TNFSF4: variants seen among roughly 807,000 people sequenced by gnomAD.
TNFSF4 encodes the protein TNF superfamily member 4, also known as tumor necrosis factor ligand superfamily member 4.
TNFSF4 carries 4 observed loss-of-function variants against 7.3 expected under a neutral mutation model. The observed-to-expected ratio is 0.55, with a 90% CI of 0.27 to 1.25. The LOEUF is 1.25. TNFSF4 is among the 50% of genes most tolerant of loss of function. TNFSF4 has a pLI of 0.12. For synonymous variants in TNFSF4, 76 were observed against 83.7 expected (o/e 0.91, Z 0.50); for missense variants, 181 against 208.8 (o/e 0.87, Z 0.82).
At chr1:173,248,216 G>T in the TNFSF4 span, among the ~76,000 whole-genome samples, 8 of 152,024 alleles carry the variant, frequency 5.3e-5, no homozygotes, top group Non-Finnish European at 1.0e-4. Context: ...AATTAGCTGG[G>T]CCTGGTGGCA....
At chr1:173,213,406 T>C in the TNFSF4 span, among the ~76,000 whole-genome samples, 1 of 152,194 alleles carries the variant, frequency 6.6e-6, no homozygotes, top group Non-Finnish European at 1.5e-5. Flanking sequence ...AATGGAACTG[T>C]ACCCATGATG....
the TNFSF4 span, chr1:173,362,372 T>A: frequency 2.2e-5 from 9 of 402,908 alleles, no homozygotes; most frequent in African/African-American, 1.7e-4. Flanking sequence ...ACTCATACTG[T>A]ACGCCTTCTT....
chr1:173,373,661 G>T, the TNFSF4 span, among the ~76,000 whole-genome samples: 2 of 152,130 alleles, frequency 1.3e-5, no homozygotes, highest in South Asian at 4.1e-4. Context: ...ATAATCCCTT[G>T]GTCCATCATA....
intron 1 of TNFSF4, 24 bp from the exon 2 acceptor site, chr1:173,188,593 T>C (rs374926869): frequency 1.9e-5 from 30 of 1,597,720 alleles, no homozygotes; most frequent in Middle Eastern, 3.3e-4. Context: ...AAAGACATAT[T>C]CTTAGGAAAA....
chr1:173,362,811 C>T, the TNFSF4 span: 1 of 425,602 alleles, frequency 2.3e-6, no homozygotes, highest in Non-Finnish European at 4.6e-6. Flanking sequence ...TGTGTTGCTT[C>T]ATTAGATGCA....
the TNFSF4 span, among the ~76,000 whole-genome samples, chr1:173,298,086 G>C: frequency 2.0e-5 from 3 of 151,810 alleles, no homozygotes; most frequent in Non-Finnish European, 2.9e-5. Context: ...GGACTGTCAC[G>C]GGGAAAGATT....
the TNFSF4 span, among the ~76,000 whole-genome samples, chr1:173,363,890 ACTGGTGCCACTTT>A: frequency 6.6e-6 from 1 of 152,162 alleles, no homozygotes. Context: ...CCTGCCACAC[ACTGGTGCCACTTT>A]CTTAGTCTGT....
chr1:173,368,111 G>A, the TNFSF4 span, among the ~76,000 whole-genome samples: 1 of 152,162 alleles, frequency 6.6e-6, no homozygotes, highest in Non-Finnish European at 1.5e-5. Context: ...TCACAGGGAG[G>A]ATTGAAAAAG....
At chr1:173,308,298 T>C in the TNFSF4 span, among the ~76,000 whole-genome samples, 1 of 150,068 alleles carries the variant, frequency 6.7e-6, no homozygotes, top group African/African-American at 2.5e-5. Flanking sequence ...TGTGTGTGTG[T>C]GTGTGTGTGT....
At chr1:173,206,939 A>C in intron 1 of TNFSF4, 85 bp downstream of exon 1, 1 of 1,460,468 alleles carries the variant, frequency 6.8e-7, no homozygotes, top group Non-Finnish European at 9.2e-7. Flanking sequence ...TTGGCATAAG[A>C]TTATTTCCAA....
the TNFSF4 span, among the ~76,000 whole-genome samples, chr1:173,227,442 C>A: frequency 1.3e-5 from 2 of 152,126 alleles, no homozygotes; most frequent in African/African-American, 4.8e-5. Context: ...ACGGTAGGGG[C>A]GGTTCCAAGT....
the TNFSF4 span, among the ~76,000 whole-genome samples, chr1:173,248,082 G>T: frequency 6.6e-6 from 1 of 152,036 alleles, no homozygotes; most frequent in Non-Finnish European, 1.5e-5. Flanking sequence ...CAGGCCAGGC[G>T]CAGTGGCTCG....
At chr1:173,263,220 T>C in the TNFSF4 span, among the ~76,000 whole-genome samples, 1 of 152,218 alleles carries the variant, frequency 6.6e-6, no homozygotes, top group African/African-American at 2.4e-5. Flanking sequence ...AAGTAATTTA[T>C]AGATTCAATG....
chr1:173,284,981 CT>C, the TNFSF4 span, among the ~76,000 whole-genome samples: 2 of 152,006 alleles, frequency 1.3e-5, no homozygotes. Flanking sequence ...AAGAAATGCA[CT>C]TTGTCAGGCT....
At chr1:173,398,409 C>CTTT in the TNFSF4 span, among the ~76,000 whole-genome samples, 944 of 101,628 alleles carry the variant, frequency 9.3e-3, 2 homozygotes, top group Non-Finnish European at 0.011. Flanking sequence ...TATTTCTTTT[C>CTTT]TTTTTTTTTT....
At chr1:173,428,011 G>A in the TNFSF4 span, among the ~76,000 whole-genome samples, 4 of 148,510 alleles carry the variant, frequency 2.7e-5, no homozygotes, top group African/African-American at 7.5e-5. Flanking sequence ...GAAGTGGTGC[G>A]ATCTTGGCTC....
chr1:173,275,812 A>G, the TNFSF4 span, among the ~76,000 whole-genome samples: 1 of 152,150 alleles, frequency 6.6e-6, no homozygotes, highest in Non-Finnish European at 1.5e-5. Flanking sequence ...CAGGAATGTA[A>G]GAATGGGTTA....
chr1:173,197,616 T>C (rs1018940531), intron 1 of TNFSF4, among the ~76,000 whole-genome samples: 8 of 152,132 alleles, frequency 5.3e-5, no homozygotes, highest in Non-Finnish European at 1.0e-4. Context: ...TGTTCTCACT[T>C]ATAAGTGGGA....
chr1:173,208,330 T>G (rs1366591071), upstream of TNFSF4, among the ~76,000 whole-genome samples: 1 of 152,174 alleles, frequency 6.6e-6, no homozygotes, highest in African/African-American at 2.4e-5. Context: ...TGTGGCCAAG[T>G]ATGTCTCTCT....
Sources: allele counts gnomAD v4.1 joint callset (sites outside exome capture counted in the v4.1 genomes callset), GRCh38; gene constraint gnomAD v4.1.1; transcripts MANE v1.5; gene names NCBI Gene and HGNC (gene_info 2026-07-23, HGNC 2026-07-21).